XRCC4: variants seen among roughly 807,000 people sequenced by gnomAD.
XRCC4 encodes DNA repair protein XRCC4.
In XRCC4, 28 loss-of-function variants were observed where a neutral mutation model predicts 39.1. The ratio of observed to expected loss-of-function variants is 0.72; its 90% CI spans 0.53 to 0.98. The LOEUF is 0.98. XRCC4 is among the 50% of genes least tolerant of loss of function. XRCC4 has a pLI of 0.00. For missense variants in XRCC4, 350 were observed against 376.4 expected (o/e 0.93, Z 0.58); for synonymous variants, 123 against 126.4 (o/e 0.97, Z 0.18).
At chr5:83,280,557 A>G in intron 7 of XRCC4, 1 of 538,256 alleles carries the variant, frequency 1.9e-6, no homozygotes, top group Non-Finnish European at 3.4e-6. Context: ...CCTGCACTGG[A>G]GCCCACACTC....
At chr5:83,310,881 G>A (rs1358550788) in intron 7 of XRCC4, 3 of 456,152 alleles carry the variant, frequency 6.6e-6, no homozygotes, top group Non-Finnish European at 8.8e-6. Context: ...TGAATAAGGA[G>A]GAACGTGAGC....
At chr5:83,187,255 C>T (rs1185738501) in intron 3 of XRCC4, among the ~76,000 whole-genome samples, 3 of 152,040 alleles carry the variant, frequency 2.0e-5, no homozygotes, top group Non-Finnish European at 2.9e-5. Context: ...CCATTTTTAA[C>T]GGTAGCAGTT....
intron 6 of XRCC4, among the ~76,000 whole-genome samples, chr5:83,219,349 T>A (rs769947420): frequency 6.6e-6 from 1 of 152,094 alleles, no homozygotes; most frequent in Non-Finnish European, 1.5e-5. Flanking sequence ...TGCCAATAGG[T>A]CTATATCTTT....
intron 6 of XRCC4, among the ~76,000 whole-genome samples, chr5:83,229,297 C>A (rs919297840): frequency 6.6e-6 from 1 of 151,950 alleles, no homozygotes; most frequent in Admixed American, 6.6e-5. Context: ...ATTGTGCTGG[C>A]AGGTATTATG....
chr5:83,131,218 T>G (rs1057113975), intron 3 of XRCC4, among the ~76,000 whole-genome samples: 2 of 152,202 alleles, frequency 1.3e-5, no homozygotes, highest in Non-Finnish European at 2.9e-5. Context: ...TGCCTTCATT[T>G]TGTTATTTAC....
intron 3 of XRCC4, among the ~76,000 whole-genome samples, chr5:83,153,569 C>T (rs944586789): frequency 6.6e-6 from 1 of 152,168 alleles, no homozygotes; most frequent in African/African-American, 2.4e-5. Flanking sequence ...GAAATATATT[C>T]AGCATCATTA....
intron 6 of XRCC4, among the ~76,000 whole-genome samples, chr5:83,228,015 T>C (rs1752355415): frequency 6.6e-6 from 1 of 151,692 alleles, no homozygotes. Context: ...AGGAATGTCC[T>C]CTGGCTAGAC....
At chr5:83,200,599 A>G (rs200077717) in intron 4 of XRCC4, among the ~76,000 whole-genome samples, 2 of 74,552 alleles carry the variant, frequency 2.7e-5, no homozygotes, top group South Asian at 8.3e-4. Context: ...TTAGCTTGTT[A>G]GTTGTTAAGT....
At chr5:83,290,767 T>C (rs1167989564) in intron 7 of XRCC4, among the ~76,000 whole-genome samples, 2 of 151,954 alleles carry the variant, frequency 1.3e-5, no homozygotes, top group South Asian at 2.1e-4. Context: ...ATTTTTATCC[T>C]TTTGTCAATG....
intron 7 of XRCC4, among the ~76,000 whole-genome samples, chr5:83,290,943 T>C (rs914638924): frequency 6.6e-6 from 1 of 151,926 alleles, no homozygotes; most frequent in African/African-American, 2.4e-5. Context: ...TTGGGTTTTA[T>C]ATTTTTATTC....
At chr5:83,093,295 T>C (rs1745516955) in intron 1 of XRCC4, among the ~76,000 whole-genome samples, 1 of 152,110 alleles carries the variant, frequency 6.6e-6, no homozygotes, top group Non-Finnish European at 1.5e-5. Flanking sequence ...TACCCAGCAA[T>C]GGAGCACCTA....
chr5:83,084,989 A>G (rs1745116178), intron 1 of XRCC4, among the ~76,000 whole-genome samples: 1 of 152,206 alleles, frequency 6.6e-6, no homozygotes, highest in South Asian at 2.1e-4. Flanking sequence ...GCTTGAGATT[A>G]AGTAATCAAA....
At chr5:83,166,285 G>A (rs1425076916) in intron 3 of XRCC4, among the ~76,000 whole-genome samples, 2 of 152,104 alleles carry the variant, frequency 1.3e-5, no homozygotes, top group African/African-American at 2.4e-5. Context: ...GAACATACAT[G>A]TGCATTTGTC....
chr5:83,160,632 G>A (rs1048649156), intron 3 of XRCC4, among the ~76,000 whole-genome samples: 2 of 151,980 alleles, frequency 1.3e-5, no homozygotes, highest in East Asian at 1.9e-4. Context: ...TTCTTACTTC[G>A]GAAAATATTC....
At chr5:83,103,818 A>G (rs946570007) in intron 1 of XRCC4, among the ~76,000 whole-genome samples, 1 of 152,212 alleles carries the variant, frequency 6.6e-6, no homozygotes, top group African/African-American at 2.4e-5. Context: ...ATGCTGTATG[A>G]TTATATTTAC....
At chr5:83,224,444 A>C (rs181122412) in intron 6 of XRCC4, among the ~76,000 whole-genome samples, 1 of 152,094 alleles carries the variant, frequency 6.6e-6, no homozygotes, top group African/African-American at 2.4e-5. Context: ...GTCACACTTT[A>C]TATGTTTTTA....
At chr5:83,313,641 A>G (rs1394056273) in intron 7 of XRCC4, among the ~76,000 whole-genome samples, 3 of 152,128 alleles carry the variant, frequency 2.0e-5, no homozygotes, top group East Asian at 3.9e-4. Context: ...AATCTCTTAC[A>G]TATTTGTCTA....
At chr5:83,369,140 C>T in the XRCC4 span, among the ~76,000 whole-genome samples, 1 of 152,128 alleles carries the variant, frequency 6.6e-6, no homozygotes, top group African/African-American at 2.4e-5. Flanking sequence ...ACATAGTACT[C>T]TAGATAGGAT....
chr5:83,356,824 G>C, downstream of XRCC4: 1 of 383,226 alleles, frequency 2.6e-6, no homozygotes, highest in South Asian at 2.0e-5. Context: ...TCACCTCTAA[G>C]ATAAGGAGAT....
Sources: allele counts gnomAD v4.1 joint callset (sites outside exome capture counted in the v4.1 genomes callset), GRCh38; gene constraint gnomAD v4.1.1; transcripts MANE v1.5; gene names NCBI Gene and HGNC (gene_info 2026-07-23, HGNC 2026-07-21).